The following POLD3 variants were observed in gnomAD, a reference collection of about 807,000 sequenced individuals.
POLD3 encodes the protein DNA polymerase delta 3, accessory subunit, also known as DNA polymerase delta subunit 3.
Under a neutral mutation model 58.2 loss-of-function variants are expected in POLD3, and 19 were observed. The observed-to-expected ratio is 0.33, with a 90% CI of 0.23 to 0.48. The LOEUF (loss-of-function observed/expected upper bound fraction) is 0.48. POLD3 is among the 20% of genes least tolerant of loss of function. The probability of loss-of-function intolerance (pLI) is 0.99; values close to 1 mark genes in which losing one functional copy is unlikely to be tolerated. For missense variants in POLD3, 504 were observed against 545.5 expected, an observed-to-expected ratio of 0.92 and a Z score of 0.76; for synonymous variants, 172 against 193.5, an observed-to-expected ratio of 0.89 and a Z score of 0.92.
chr11:74,625,498 T>A lies in POLD3; in HGVS notation c.824T>A (p.Leu275Gln). The A allele has an allele frequency of 6.2e-7, 1 of 1,613,722 alleles. No individual in the cohort carries two copies. Among genetic ancestry groups the A allele is most frequent in the Non-Finnish European group, 8.5e-7 (1 of 1,179,876 alleles). The change falls in exon 8 of 12, where the codon CTG becomes CAG. Residue 275 changes from leucine (L) to glutamine (Q), a missense_variant. Leu to Gln is a moderately radical substitution (Grantham distance 113). This residue lies in a region of POLD3 where 385 missense variants were observed against 370.5 expected (regional missense o/e 1.04). Coordinates refer to ENST00000263681, the MANE Select transcript of POLD3 (RefSeq NM_006591.3). ...ACAGTGTCTGTCACGGAACCAAAGC[T>A]GGCAACTCCTGCAGGCCTGAAAAAA... ...QPTVSVTEPK[L>Q]ATPAGLKKSS... is the part of the protein sequence containing the mutation.
rs551897503 is a variant in POLD3, at chr11:74,625,628, C to T, written c.899+55C>T. On this transcript the variant is annotated intron_variant, in intron 8 of 11. Coordinates refer to ENST00000263681, the MANE Select transcript of POLD3 (RefSeq NM_006591.3). ...GAGTCTTTACTGGGGGTGAGAAGGT[C>T]TCTTTGGGCTTATTGACAGCAGGCA... 3.5e-6 allele frequency: 5 copies of T among 1,443,418 alleles called. No individual in the cohort carries two copies. The East Asian group carries it at 1.2e-4, about 34-fold the overall frequency. The allele number at this position is 1,443,418 out of a possible 1,614,324, so 89.4% of individuals were successfully genotyped here.
At chr11:74,649,229 T>TA (rs1269563459) in intron 4 of POLD3, among the ~76,000 whole-genome samples, 2 of 152,214 alleles carry the variant, frequency 1.3e-5, no homozygotes, top group Admixed American at 1.3e-4. Context: ...TCCCAAATCT[T>TA]ACTAACACCT....
chr11:74,610,292 C>T (rs1305819111), intron 3 of POLD3, among the ~76,000 whole-genome samples: 1 of 151,812 alleles, frequency 6.6e-6, no homozygotes, highest in African/African-American at 2.4e-5. Flanking sequence ...CTCACTGCAA[C>T]CTCTGCCTCC....
chr11:74,646,225 G>A (rs562907089), downstream of POLD3, among the ~76,000 whole-genome samples: 9 of 152,178 alleles, frequency 5.9e-5, no homozygotes, highest in Non-Finnish European at 1.0e-4. Flanking sequence ...TGCCTGCCTC[G>A]GCCTCCCAAA....
At chr11:74,631,543 G>C (rs969046685) in intron 9 of POLD3, among the ~76,000 whole-genome samples, 1 of 144,490 alleles carries the variant, frequency 6.9e-6, no homozygotes, top group Non-Finnish European at 1.5e-5. Flanking sequence ...GCAGTGGTGC[G>C]ATGCGATCTC....
chr11:74,654,420 C>T (rs377183632), intron 4 of POLD3, among the ~76,000 whole-genome samples: 1 of 135,278 alleles, frequency 7.4e-6, no homozygotes, highest in East Asian at 1.9e-4. Flanking sequence ...TTAAATAAAA[C>T]AGAACTAAAA....
At chr11:74,658,424 T>C (rs1425520126) in intron 4 of POLD3, among the ~76,000 whole-genome samples, 1 of 152,178 alleles carries the variant, frequency 6.6e-6, no homozygotes, top group Non-Finnish European at 1.5e-5. Context: ...CCAAATCTCA[T>C]GTTCTCACAT....
At chr11:74,659,442 A>G (rs1052400505) in intron 4 of POLD3, among the ~76,000 whole-genome samples, 1 of 152,142 alleles carries the variant, frequency 6.6e-6, no homozygotes, top group Non-Finnish European at 1.5e-5. Context: ...TACTTTTGCA[A>G]ATTTCTGCAG....
intron 11 of POLD3, 128 bp from the exon 12 acceptor site, chr11:74,640,436 T>A: frequency 9.0e-7 from 1 of 1,116,400 alleles, no homozygotes; most frequent in Admixed American, 2.8e-5. Flanking sequence ...GGAGAAAGAT[T>A]GAGTCCTAAG....
chr11:74,666,225 A>G (rs2033266650), intron 4 of POLD3, among the ~76,000 whole-genome samples: 5 of 152,240 alleles, frequency 3.3e-5, no homozygotes. Flanking sequence ...TGAAATCTAC[A>G]AAGCATTGTT....
intron 4 of POLD3, among the ~76,000 whole-genome samples, chr11:74,655,930 A>T (rs763275221): frequency 3.3e-5 from 5 of 152,220 alleles, no homozygotes; most frequent in Admixed American, 6.5e-5. Context: ...TTCAAAGAAC[A>T]AGCAAGTAAT....
At chr11:74,608,602 G>A (rs960604975) in intron 3 of POLD3, among the ~76,000 whole-genome samples, 1 of 152,180 alleles carries the variant, frequency 6.6e-6, no homozygotes, top group African/African-American at 2.4e-5. Context: ...ACTCTGGTCT[G>A]CATTGTTTTA....
intron 7 of POLD3, among the ~76,000 whole-genome samples, chr11:74,623,398 G>A (rs760194862): frequency 5.9e-5 from 9 of 152,182 alleles, no homozygotes; most frequent in Non-Finnish European, 1.2e-4. Flanking sequence ...TCACGCCACC[G>A]CGCTCCAGCC....
At chr11:74,623,172 G>A (rs1252724354) in intron 7 of POLD3, among the ~76,000 whole-genome samples, 1 of 152,194 alleles carries the variant, frequency 6.6e-6, no homozygotes, top group East Asian at 1.9e-4. Context: ...GGTGGTTCAC[G>A]CCTGTAATCC....
chr11:74,609,422 C>G (rs2031829880), intron 3 of POLD3, among the ~76,000 whole-genome samples: 1 of 117,058 alleles, frequency 8.5e-6, no homozygotes, highest in Admixed American at 1.1e-4. Flanking sequence ...GCCTGTTGGC[C>G]AAGCATTGGA....
intron 4 of POLD3, among the ~76,000 whole-genome samples, chr11:74,650,662 T>G (rs1463688164): frequency 2.0e-5 from 3 of 152,220 alleles, no homozygotes; most frequent in African/African-American, 7.2e-5. Context: ...TGTCCCCTTG[T>G]GGTTTGCATC....
intron 2 of POLD3, among the ~76,000 whole-genome samples, chr11:74,594,956 T>A (rs191794703): frequency 2.0e-5 from 3 of 152,218 alleles, no homozygotes; most frequent in African/African-American, 7.2e-5. Flanking sequence ...ACAATTCAAG[T>A]TGAGATTTGG....
Position 74,641,481 on chromosome 11 carries a change from T to A in POLD3, c.*715T>A. 4.1e-6 allele frequency: 4 copies of A among 985,430 alleles called. No individual in the cohort carries two copies. The highest frequency in any genetic ancestry group is 4.8e-6 in the Non-Finnish European group (4 of 829,944). The allele number at this position is 985,430 out of a possible 1,614,324, so 61.0% of individuals were successfully genotyped here. A position where few individuals can be genotyped will look rare whatever the true frequency, so the allele number is the denominator to read the frequency against. ...CACAAATAGAAATTTAATGATGTGT[T>A]CAACTCCACCAGAAATTACCTCGAG... On this transcript the variant is annotated 3_prime_UTR_variant, in exon 12 of 12. Transcript: ENST00000263681.
At position 74,668,895 on chromosome 11, in the gene POLD3, T is replaced by G. The variant is rs975135888; in HGVS notation, c.*39T>G. Reference sequence around the variant, plus strand: ...GATCTCAAGCCTCGGAAGCACAGATTTAGGAGTCACTGACTTAGAGGTGGT... The same window carrying G: ...GATCTCAAGCCTCGGAAGCACAGATGTAGGAGTCACTGACTTAGAGGTGGT... On this transcript the variant is annotated 3_prime_UTR_variant, in exon 5 of 5. Coordinates refer to the POLD3 transcript ENST00000524752. The G allele has an allele frequency of 1.3e-5, 10 of 761,506 alleles. No individual in the cohort carries two copies. The Admixed American group carries it at 2.8e-4, about 21-fold the overall frequency. The allele number at this position is 761,506 out of a possible 1,614,324, so 47.2% of individuals were successfully genotyped here.
Sources: allele counts gnomAD v4.1 joint callset (sites outside exome capture counted in the v4.1 genomes callset), GRCh38; gene constraint gnomAD v4.1.1; regional missense constraint gnomAD v4.1.1; transcripts MANE v1.5; gene names NCBI Gene and HGNC (gene_info 2026-07-23, HGNC 2026-07-21).